TRPM2: variants seen among roughly 807,000 people sequenced by gnomAD.
The protein encoded by TRPM2 is transient receptor potential cation channel subfamily M member 2, also known as estrogen-responsive element-associated gene 1 protein.
Under a neutral mutation model 174.0 loss-of-function variants are expected in TRPM2, and 161 were observed. The observed-to-expected ratio is 0.93, with a 90% confidence interval of 0.81 to 1.05. The LOEUF (loss-of-function observed/expected upper bound fraction) is 1.05, where lower values mean the gene tolerates loss of function less well. TRPM2 is among the 50% of genes least tolerant of loss of function. The pLI is 0.00. For synonymous variants in TRPM2, 954 were observed against 861.3 expected (o/e 1.11, Z -1.88); for missense variants, 2,057 against 2,038.0 (o/e 1.01, Z -0.18).
intron 27 of TRPM2, among the ~76,000 whole-genome samples, chr21:44,434,335 G>A (rs1010090414): frequency 4.0e-5 from 6 of 150,368 alleles, no homozygotes; most frequent in Non-Finnish European, 8.9e-5. Context: ...TGGCAGGGAC[G>A]CTGGCAGGGA....
At chr21:44,396,360 AG>A (rs554730849) in intron 12 of TRPM2, among the ~76,000 whole-genome samples, 5 of 470 alleles carry the variant, frequency 0.011, no homozygotes, top group African/African-American at 0.1. Context: ...AGGGATGTGG[AG>A]GGGTGTGGAG....
chr21:44,425,923 C>G (rs2050752674), intron 25 of TRPM2, 96 bp downstream of exon 25: 3 of 1,355,070 alleles, frequency 2.2e-6, no homozygotes, highest in South Asian at 1.8e-5. Flanking sequence ...AATCCTGGCT[C>G]CCAGCCACTG....
chr21:44,413,840 C>G (rs1397058326), intron 19 of TRPM2, 51 bp from the exon 20 acceptor site: 1 of 1,580,314 alleles, frequency 6.3e-7, no homozygotes, highest in Non-Finnish European at 8.6e-7. Flanking sequence ...CCAAGCTCCT[C>G]TTGACTCTGT....
chr21:44,412,315 C>T (rs1325291784), intron 19 of TRPM2, among the ~76,000 whole-genome samples: 1 of 152,082 alleles, frequency 6.6e-6, no homozygotes, highest in African/African-American at 2.4e-5. Context: ...TCTCCAGTCA[C>T]CTTTGGTAGT....
At chr21:44,425,523 G>T (rs1312558238) in intron 24 of TRPM2, 147 bp from the exon 25 acceptor site, 10 of 983,446 alleles carry the variant, frequency 1.0e-5, no homozygotes, top group African/African-American at 5.0e-5. Flanking sequence ...TTCAGAGCTG[G>T]TGTTCGACCT....
rs567808329 is a variant in TRPM2, at chr21:44,406,851, G to A, written c.2962+86G>A. On this transcript the variant is annotated intron_variant, in intron 19 of 31. Transcript: ENST00000397928. Reference sequence around the variant, plus strand: ...AAAGGGGCCGCATGAGTGGGAGTGAGGCCGGCTCCATCAGGGGGTCCTGCG... The same window carrying A: ...AAAGGGGCCGCATGAGTGGGAGTGAAGCCGGCTCCATCAGGGGGTCCTGCG... 2.7e-5 allele frequency: 40 copies of A among 1,500,158 alleles called. No individual in the cohort carries two copies. The African/African-American group carries it at 4.6e-4, about 17-fold the overall frequency. The allele number at this position is 1,500,158 out of a possible 1,614,324, so 92.9% of individuals were successfully genotyped here. A position where few individuals can be genotyped will look rare whatever the true frequency, so the allele number is the denominator to read the frequency against.
At chr21:44,436,397 C>T (rs1250747460) in intron 28 of TRPM2, among the ~76,000 whole-genome samples, 1 of 152,118 alleles carries the variant, frequency 6.6e-6, no homozygotes, top group Admixed American at 6.5e-5. Context: ...AGTGGCTTCT[C>T]TGGCCGTGCA....
rs1043231590 is a variant in TRPM2, at chr21:44,438,615, C to T, written c.4168-452C>T. ...CCCTGAGTCAGGTGGCGCTCGGGAG[C>T]GTCTGGGAGCCCAGCCAGCCGCAGC... On this transcript the variant is annotated intron_variant, in intron 29 of 31. Transcript: ENST00000397928. This position sits in a 1 kb window ranked among gnomAD's most constrained non-coding sequence, Gnocchi z 5.9. 2.0e-5 allele frequency among the ~76,000 whole-genome samples: 3 copies of T among 152,124 alleles called. No individual in the cohort carries two copies. The highest frequency in any genetic ancestry group is 1.9e-4 in the East Asian group (1 of 5,162).
rs1002699163 is a variant in TRPM2 at position 44,366,964 on chromosome 21, C to A, written c.604+30C>A. ...CTCGGAGGCTGGAGGGACACGAGGC[C>A]CCGGCGGGTGGGGTGGGCTGTGGAG... On this transcript the variant is annotated intron_variant, in intron 4 of 31. Coordinates refer to ENST00000397928, the MANE Select transcript of TRPM2 (RefSeq NM_003307.4). This position sits in a 1 kb window ranked among gnomAD's most constrained non-coding sequence, Gnocchi z 6.0. The A allele has an allele frequency of 1.3e-6, 2 of 1,547,458 alleles. No homozygotes were observed. Among genetic ancestry groups the A allele is most frequent in the Non-Finnish European group, 8.7e-7 (1 of 1,143,760 alleles).
chr21:44,400,739 C>A (rs905075302), intron 15 of TRPM2, among the ~76,000 whole-genome samples: 1 of 99,080 alleles, frequency 1.0e-5, no homozygotes, highest in African/African-American at 2.7e-5. Flanking sequence ...CAGCGAGCTG[C>A]GGCTGAGTGC....
Position 44,405,949 on chromosome 21 carries a change from T to C in TRPM2, c.2702T>C (p.Leu901Pro), listed in dbSNP as rs2049856282. 1 of 1,608,074 alleles carries C rather than the reference T, an allele frequency of 6.2e-7. No homozygotes were observed. Among genetic ancestry groups the C allele is most frequent in the South Asian group, 1.1e-5 (1 of 91,094 alleles). Residue 901 changes from leucine (L) to proline (P), a missense_variant, in exon 18 of 32, where the codon CTG becomes CCG. Coordinates refer to ENST00000397928, the MANE Select transcript of TRPM2 (RefSeq NM_003307.4). ...TACCCCGGGCGCGTCATCCTCTCTC[T>C]GGACTTCATCCTGTTCTGCCTCCGG... ...TLYPGRVILS[L>P]DFILFCLRLM...
intron 21 of TRPM2, 95 bp downstream of exon 21, chr21:44,418,203 C>G (rs2050383217): frequency 6.7e-7 from 1 of 1,489,634 alleles, no homozygotes; most frequent in African/African-American, 1.4e-5. Flanking sequence ...ACCCTGGACG[C>G]TCAGCAGGCG....
chr21:44,424,777 T>G, intron 23 of TRPM2, 75 bp from the exon 24 acceptor site: 2 of 943,852 alleles, frequency 2.1e-6, no homozygotes, highest in Non-Finnish European at 2.9e-6. Context: ...GGGAGTGAAG[T>G]CTCGGTGGGC....
At position 44,425,714 on chromosome 21, in the gene TRPM2, A is replaced by G. The variant is rs2050741777; in HGVS notation, c.3682A>G (p.Arg1228Gly). 2 of 1,565,276 alleles carry G rather than the reference A, an allele frequency of 1.3e-6. No homozygotes were observed. Among genetic ancestry groups the G allele is most frequent in the Admixed American group, 1.8e-5 (1 of 54,134 alleles). Residue 1228 changes from arginine to glycine, a missense_variant, in exon 25 of 32, where the codon AGG becomes GGG. Arg to Gly is a moderately radical substitution (Grantham distance 125, BLOSUM62 -2). Transcript: ENST00000397928. ...AEEPDAEPGG[R>G]KKTEEPGDSY... The stretch of plus-strand genomic sequence containing the variant: ...GGAGCCGGATGCTGAGCCGGGAGGC[A>G]GGAAGAAGACGGAGGAGCCGGGCGA...
chr21:44,392,116 C>T (rs1253273529), intron 11 of TRPM2, among the ~76,000 whole-genome samples: 1 of 151,906 alleles, frequency 6.6e-6, no homozygotes, highest in African/African-American at 2.4e-5. Flanking sequence ...AGGTATGCGC[C>T]ACCACACCTG....
chr21:44,414,527 C>G (rs1199669607), intron 20 of TRPM2: 1 of 164,512 alleles, frequency 6.1e-6, no homozygotes, highest in Non-Finnish European at 1.3e-5. Context: ...GCCTGTGTCT[C>G]CCTGTTACTG....
At chr21:44,394,618 C>T (rs953540363) in intron 11 of TRPM2, among the ~76,000 whole-genome samples, 67 of 151,728 alleles carry the variant, frequency 4.4e-4, no homozygotes, top group African/African-American at 1.5e-3. Context: ...CGTGCCAGGC[C>T]GGGTATGGCT....
At chr21:44,373,606 G>A (rs1414794913) in intron 5 of TRPM2, among the ~76,000 whole-genome samples, 1 of 111,368 alleles carries the variant, frequency 9.0e-6, no homozygotes, top group African/African-American at 3.4e-5. Flanking sequence ...TATGCGACCT[G>A]CATTATATGC....
intron 19 of TRPM2, among the ~76,000 whole-genome samples, chr21:44,408,552 C>T (rs563257964): frequency 1.2e-4 from 18 of 151,716 alleles, no homozygotes; most frequent in Middle Eastern, 3.4e-3. Flanking sequence ...GTCGCTTTGA[C>T]GGGCATTTCT....
Sources: allele counts gnomAD v4.1 joint callset (sites outside exome capture counted in the v4.1 genomes callset), GRCh38; gene constraint gnomAD v4.1.1; non-coding constraint Gnocchi (gnomAD v3.1); transcripts MANE v1.5; gene names NCBI Gene and HGNC (gene_info 2026-07-23, HGNC 2026-07-21).